Variants in HCN1 observed in about 807,000 individuals in gnomAD.
The protein encoded by HCN1 is potassium/sodium hyperpolarization-activated cyclic nucleotide-gated channel 1.
In HCN1, 13 loss-of-function variants were observed where a neutral mutation model predicts 78.9. The observed-to-expected ratio is 0.16, with a 90% CI of 0.11 to 0.26. The LOEUF (loss-of-function observed/expected upper bound fraction) is 0.26, where lower values mean the gene tolerates loss of function less well. Among genes scored for constraint, HCN1 ranks in the 10% least tolerant of loss-of-function variants. The probability of loss-of-function intolerance (pLI) is 1.00; values close to 1 mark genes in which losing one functional copy is unlikely to be tolerated. For missense variants in HCN1, 810 were observed against 1,154.3 expected (o/e 0.70, Z 4.32); for synonymous variants, 552 against 455.5 (o/e 1.21, Z -2.70).
intron 3 of HCN1, among the ~76,000 whole-genome samples, chr5:45,447,927 T>C (rs1241432380): frequency 6.6e-6 from 1 of 151,714 alleles, no homozygotes; most frequent in Non-Finnish European, 1.5e-5. Context: ...TAATCTGTTA[T>C]GACTTGTTTC....
At chr5:45,543,317 AT>A (rs1400820580) in intron 2 of HCN1, among the ~76,000 whole-genome samples, 1 of 152,072 alleles carries the variant, frequency 6.6e-6, no homozygotes, top group Admixed American at 6.6e-5. Context: ...GATAAAAAAA[AT>A]AAAAAAATAA....
At chr5:45,439,370 A>C (rs1740625494) in intron 3 of HCN1, among the ~76,000 whole-genome samples, 1 of 152,186 alleles carries the variant, frequency 6.6e-6, no homozygotes, top group South Asian at 2.1e-4. Flanking sequence ...ACATTAAAAA[A>C]ATAATATTAT....
intron 1 of HCN1, among the ~76,000 whole-genome samples, chr5:45,648,040 C>T (rs1580016798): frequency 6.6e-6 from 1 of 152,016 alleles, no homozygotes; most frequent in East Asian, 1.9e-4. Context: ...ATTACAGAGC[C>T]AAATATACAG....
At chr5:45,539,342 T>C (rs1427972163) in intron 2 of HCN1, among the ~76,000 whole-genome samples, 2 of 151,240 alleles carry the variant, frequency 1.3e-5, no homozygotes, top group African/African-American at 4.8e-5. Flanking sequence ...GAAAATATTA[T>C]TAAAGTAGAA....
chr5:45,432,947 C>G (rs1740492145), intron 3 of HCN1, among the ~76,000 whole-genome samples: 1 of 152,058 alleles, frequency 6.6e-6, no homozygotes, highest in Admixed American at 6.6e-5. Flanking sequence ...TTATGTCTTA[C>G]ATGGAGGCAG....
intron 5 of HCN1, among the ~76,000 whole-genome samples, chr5:45,324,118 T>C (rs1404451203): frequency 6.6e-6 from 1 of 151,822 alleles, no homozygotes; most frequent in Non-Finnish European, 1.5e-5. Flanking sequence ...TAGTTCTAGA[T>C]CCCTGAGGAA....
At chr5:45,521,400 T>C (rs1742611443) in intron 2 of HCN1, among the ~76,000 whole-genome samples, 1 of 151,996 alleles carries the variant, frequency 6.6e-6, no homozygotes, top group Non-Finnish European at 1.5e-5. Flanking sequence ...GCTAGTAGTC[T>C]GAAATCAAGG....
At chr5:45,467,013 T>G (rs1213204171) in intron 2 of HCN1, among the ~76,000 whole-genome samples, 3 of 152,122 alleles carry the variant, frequency 2.0e-5, no homozygotes, top group African/African-American at 7.2e-5. Flanking sequence ...AATAATCCAC[T>G]CTTCAGCCTC....
chr5:45,382,113 T>C (rs1303276524), intron 4 of HCN1, among the ~76,000 whole-genome samples: 1 of 152,186 alleles, frequency 6.6e-6, no homozygotes, highest in Non-Finnish European at 1.5e-5. Context: ...CCTTCAGATG[T>C]TTTTGCATTC....
chr5:45,516,062 T>G (rs1459884571), intron 2 of HCN1, among the ~76,000 whole-genome samples: 1 of 151,972 alleles, frequency 6.6e-6, no homozygotes, highest in African/African-American at 2.4e-5. Flanking sequence ...CCTATTCTTA[T>G]TTTGCATTTA....
intron 3 of HCN1, among the ~76,000 whole-genome samples, chr5:45,439,020 A>T (rs1345785061): frequency 1.3e-5 from 2 of 152,138 alleles, no homozygotes; most frequent in South Asian, 2.1e-4. Context: ...GACTCAACAA[A>T]TCTTTCTTTT....
chr5:45,634,872 C>T (rs1464042862), intron 2 of HCN1, among the ~76,000 whole-genome samples: 1 of 151,968 alleles, frequency 6.6e-6, no homozygotes, highest in Non-Finnish European at 1.5e-5. Context: ...AACATTTATC[C>T]TTCTCCTTAG....
intron 6 of HCN1, among the ~76,000 whole-genome samples, chr5:45,271,274 T>A (rs1744953659): frequency 6.6e-6 from 1 of 151,972 alleles, no homozygotes; most frequent in South Asian, 2.1e-4. Flanking sequence ...ATATTCTAAT[T>A]TGGTCTTTCT....
intron 6 of HCN1, among the ~76,000 whole-genome samples, chr5:45,289,195 AT>A (rs1180397641): frequency 6.6e-6 from 1 of 152,076 alleles, no homozygotes; most frequent in Non-Finnish European, 1.5e-5. Context: ...AAACTGAAAG[AT>A]TTTTAAATTG....
At chr5:45,694,421 C>A (rs1385757065) in intron 1 of HCN1, among the ~76,000 whole-genome samples, 5 of 152,244 alleles carry the variant, frequency 3.3e-5, no homozygotes, top group Non-Finnish European at 7.4e-5. Context: ...CTTTGTGTGG[C>A]GGGACTGTGG....
Position 45,575,409 on chromosome 5 carries a change from A to C in HCN1, c.849+69776T>G, listed in dbSNP as rs542902856. The C allele has an allele frequency of 2.0e-5, 3 of 152,226 alleles. No individual in the cohort carries two copies. In the South Asian group the frequency reaches 6.2e-4, roughly 32 times the overall value. The allele number at this position is 152,226 out of a possible 1,614,324, so 9.4% of individuals were successfully genotyped here. ...AACACATGGACACAGGAAGGGGAAC[A>C]TCACACACCAGGGACTGTTGTGGTG... is the stretch of plus-strand genomic sequence containing the variant. On this transcript the variant is annotated intron_variant, in intron 2 of 7. Coordinates refer to ENST00000303230, the MANE Select transcript of HCN1 (RefSeq NM_021072.4).
At chr5:45,312,047 G>T (rs142867348) in intron 5 of HCN1, among the ~76,000 whole-genome samples, 2 of 152,178 alleles carry the variant, frequency 1.3e-5, no homozygotes, top group African/African-American at 2.4e-5. Flanking sequence ...CATTAAGAAG[G>T]TGTCTTAAAA....
chr5:45,315,018 T>C (rs1745949232), intron 5 of HCN1, among the ~76,000 whole-genome samples: 3 of 152,068 alleles, frequency 2.0e-5, no homozygotes, highest in Admixed American at 6.6e-5. Flanking sequence ...GACAGAAAGT[T>C]AACCATGATA....
chr5:45,646,708 G>A (rs1306646184), intron 1 of HCN1, among the ~76,000 whole-genome samples: 3 of 151,966 alleles, frequency 2.0e-5, no homozygotes, highest in African/African-American at 4.8e-5. Context: ...CATAACTATA[G>A]TGTTATTTTT....
Sources: allele counts gnomAD v4.1 joint callset (sites outside exome capture counted in the v4.1 genomes callset), GRCh38; gene constraint gnomAD v4.1.1; transcripts MANE v1.5; gene names NCBI Gene and HGNC (gene_info 2026-07-23, HGNC 2026-07-21).